Variants in SLC30A8 observed in about 807,000 individuals in gnomAD.
The protein encoded by SLC30A8 is proton-coupled zinc antiporter SLC30A8.
SLC30A8 carries 27 observed loss-of-function variants against 36.9 expected under a neutral mutation model. The observed-to-expected ratio is 0.73, with a 90% CI of 0.54 to 1.01. The LOEUF (loss-of-function observed/expected upper bound fraction) is 1.01. Among genes scored for constraint, SLC30A8 ranks in the 50% least tolerant of loss-of-function variants. The probability of loss-of-function intolerance (pLI) is 0.00; values close to 1 mark genes in which losing one functional copy is unlikely to be tolerated. For synonymous variants in SLC30A8, 164 were observed against 172.4 expected (o/e 0.95, Z 0.38); for missense variants, 439 against 452.0 (o/e 0.97, Z 0.26).
intron 1 of SLC30A8, among the ~76,000 whole-genome samples, chr8:116,953,058 T>C (rs1044227612): frequency 6.6e-6 from 1 of 151,944 alleles, no homozygotes; most frequent in African/African-American, 2.4e-5. Context: ...CCCATGTCTA[T>C]TTTGCCATTT....
At chr8:116,957,422 C>T (rs1294562856) in intron 1 of SLC30A8, among the ~76,000 whole-genome samples, 1 of 152,126 alleles carries the variant, frequency 6.6e-6, no homozygotes, top group East Asian at 1.9e-4. Context: ...AGGCATGTGC[C>T]ACCATGCTCG....
chr8:116,966,259 C>G (rs1329813033), intron 1 of SLC30A8, among the ~76,000 whole-genome samples: 1 of 152,120 alleles, frequency 6.6e-6, no homozygotes. Context: ...TGATTTGTGC[C>G]TTCAACACCT....
intron 2 of SLC30A8, 62 bp downstream of exon 2, chr8:117,147,215 A>G: frequency 7.0e-7 from 1 of 1,418,746 alleles, no homozygotes; most frequent in Non-Finnish European, 9.9e-7. Context: ...TCATTATGGG[A>G]GGGTTACCTA....
intron 2 of SLC30A8, among the ~76,000 whole-genome samples, chr8:117,065,375 G>C (rs1161549829): frequency 6.6e-6 from 1 of 152,092 alleles, no homozygotes; most frequent in African/African-American, 2.4e-5. Context: ...AAGAAGGAAG[G>C]ATATTATTTA....
intron 1 of SLC30A8, among the ~76,000 whole-genome samples, chr8:117,026,418 A>G (rs1490344335): frequency 6.6e-6 from 1 of 152,190 alleles, no homozygotes; most frequent in East Asian, 1.9e-4. Flanking sequence ...AGAAATGTTT[A>G]ATGGAAAGCA....
At chr8:117,069,510 C>A (rs1278704744) in intron 2 of SLC30A8, among the ~76,000 whole-genome samples, 1 of 152,110 alleles carries the variant, frequency 6.6e-6, no homozygotes, top group Non-Finnish European at 1.5e-5. Context: ...CAGTGGCCCC[C>A]AATTTAGAGA....
intron 1 of SLC30A8, among the ~76,000 whole-genome samples, chr8:117,026,566 T>C (rs977036649): frequency 4.6e-5 from 7 of 152,178 alleles, no homozygotes; most frequent in Non-Finnish European, 1.0e-4. Context: ...ATTAGCCTCC[T>C]TTTATTTTGC....
At chr8:117,091,921 T>C (rs1052376514) in intron 2 of SLC30A8, among the ~76,000 whole-genome samples, 1 of 152,200 alleles carries the variant, frequency 6.6e-6, no homozygotes, top group African/African-American at 2.4e-5. Flanking sequence ...GTCCTCACTA[T>C]GATTCTTAGG....
Position 117,057,826 on chromosome 8 carries a change from T to C in SLC30A8, c.-226+18568T>C, listed in dbSNP as rs2130781720. ...TTGGTTTGATTTCATATCTTGGCTA[T>C]TGTGAATAATGCTGTAGTAAACACG... On this transcript the variant is annotated intron_variant, in intron 2 of 10. Coordinates refer to the SLC30A8 transcript ENST00000427715. 2.0e-5 allele frequency among the ~76,000 whole-genome samples: 3 copies of C among 152,374 alleles called. No homozygotes were observed. The Middle Eastern group carries it at 0.01, about 518-fold the overall frequency.
intron 1 of SLC30A8, among the ~76,000 whole-genome samples, chr8:116,954,519 A>C (rs945738744): frequency 6.6e-6 from 1 of 152,204 alleles, no homozygotes; most frequent in Non-Finnish European, 1.5e-5. Flanking sequence ...GGGCTTGTCT[A>C]GTGGTCAAGT....
upstream of SLC30A8, among the ~76,000 whole-genome samples, chr8:117,131,884 G>A (rs1039725665): frequency 1.3e-5 from 2 of 151,874 alleles, no homozygotes; most frequent in South Asian, 2.1e-4. Context: ...GGTGAGAAAC[G>A]GAAAAACACA....
chr8:117,045,604 G>A (rs1017117295), intron 2 of SLC30A8, among the ~76,000 whole-genome samples: 1 of 152,140 alleles, frequency 6.6e-6, no homozygotes, highest in African/African-American at 2.4e-5. Flanking sequence ...CAGAGGCCAC[G>A]GGCTCCCACT....
intron 1 of SLC30A8, among the ~76,000 whole-genome samples, chr8:117,012,444 A>G (rs560752098): frequency 1.1e-4 from 17 of 152,074 alleles, no homozygotes; most frequent in Non-Finnish European, 2.2e-4. Flanking sequence ...TACTGAACAC[A>G]TACAGACTTT....
intron 2 of SLC30A8, among the ~76,000 whole-genome samples, chr8:117,044,571 C>T (rs1817488674): frequency 6.6e-6 from 1 of 152,188 alleles, no homozygotes; most frequent in South Asian, 2.1e-4. Context: ...AGCGGGTTGA[C>T]AGAGCACAAG....
At chr8:117,109,206 A>T (rs1431581914) in intron 2 of SLC30A8, among the ~76,000 whole-genome samples, 1 of 152,170 alleles carries the variant, frequency 6.6e-6, no homozygotes, top group Non-Finnish European at 1.5e-5. Flanking sequence ...TGAAGGCAGC[A>T]TGTGTTGGGA....
intron 1 of SLC30A8, among the ~76,000 whole-genome samples, chr8:117,137,679 C>A (rs571375663): frequency 6.6e-6 from 1 of 152,040 alleles, no homozygotes; most frequent in South Asian, 2.1e-4. Flanking sequence ...TGGCTTCTCT[C>A]CCTGTATGAT....
chr8:117,066,769 C>G (rs1197087763), intron 2 of SLC30A8, among the ~76,000 whole-genome samples: 1 of 151,894 alleles, frequency 6.6e-6, no homozygotes, highest in Non-Finnish European at 1.5e-5. Context: ...ATAGGTTGGC[C>G]TAGATTTCCA....
rs1190496536 is a variant in SLC30A8, at chr8:117,175,866, G to C, written c.*3185G>C. The stretch of plus-strand genomic sequence containing the variant: ...GCTGGGATAAAGGCATTTACTGAGA[G>C]GCTGTTACCTAGTGAGAGTGATGAA... On this transcript the variant is annotated 3_prime_UTR_variant, in exon 8 of 8. Coordinates refer to ENST00000456015, the MANE Select transcript of SLC30A8 (RefSeq NM_173851.3). The C allele has an allele frequency of 1.3e-5, 2 of 152,030 alleles. No individual in the cohort carries two copies. The highest frequency in any genetic ancestry group is 2.4e-5 in the African/African-American group (1 of 41,412). 9.4% of individuals were successfully genotyped at this position (152,030 alleles called of 1,614,324 possible).
chr8:117,063,473 C>T (rs1022545178), intron 2 of SLC30A8, among the ~76,000 whole-genome samples: 1 of 152,002 alleles, frequency 6.6e-6, no homozygotes, highest in African/African-American at 2.4e-5. Flanking sequence ...TTTTTTTCCC[C>T]AAAGCAGACA....
Sources: gnomAD v4.1 joint callset for allele counts (sites outside exome capture counted in the v4.1 genomes callset) on GRCh38, gnomAD v4.1.1 for gene constraint, MANE v1.5 for transcripts, NCBI Gene and HGNC (gene_info 2026-07-23, HGNC 2026-07-21) for gene names.